SBF2: variants seen among roughly 807,000 people sequenced by gnomAD.
The protein encoded by SBF2 is SET binding factor 2.
SBF2 carries 112 observed loss-of-function variants against 225.2 expected under a neutral mutation model. The ratio of observed to expected loss-of-function variants is 0.50; its 90% CI spans 0.43 to 0.58. The LOEUF is 0.58. Among genes scored for constraint, SBF2 ranks in the 20% least tolerant of loss-of-function variants. SBF2 has a pLI of 0.00. For missense variants in SBF2, 1,996 were observed against 2,206.2 expected (o/e 0.90, Z 1.91); for synonymous variants, 763 against 773.3 (o/e 0.99, Z 0.22).
chr11:9,999,632 G>C (rs771559020), intron 8 of SBF2, among the ~76,000 whole-genome samples: 1 of 152,024 alleles, frequency 6.6e-6, no homozygotes, highest in Non-Finnish European at 1.5e-5. Context: ...TCCAGTGACT[G>C]TTTATATTTA....
intron 31 of SBF2, 193 bp from the exon 32 acceptor site, chr11:9,808,378 C>T: frequency 3.2e-6 from 2 of 619,862 alleles, no homozygotes; most frequent in South Asian, 3.8e-5. Flanking sequence ...AGCTCAAATT[C>T]ATTTTGGCTA....
chr11:9,802,592 C>A (rs372555859), intron 32 of SBF2, among the ~76,000 whole-genome samples: 2 of 152,222 alleles, frequency 1.3e-5, no homozygotes, highest in African/African-American at 4.8e-5. Flanking sequence ...TGTTTCTGGG[C>A]CTAGTTCTGT....
At chr11:10,039,997 T>C (rs762745604) in intron 3 of SBF2, among the ~76,000 whole-genome samples, 2 of 151,814 alleles carry the variant, frequency 1.3e-5, no homozygotes, top group Admixed American at 6.6e-5. Context: ...TTCCTGCTTA[T>C]AGTAAAAGGT....
chr11:9,794,676 CAAA>C lies in SBF2; in HGVS notation c.4570+1152_4570+1154del, dbSNP rs575749593. Among the ~76,000 whole-genome samples, 6 of 35,350 alleles carry C rather than the reference CAAA, an allele frequency of 1.7e-4. No homozygotes were observed. In the Admixed American group the frequency reaches 1.8e-3, roughly 10 times the overall value. The allele number at this position is 35,350 out of a possible 152,430, so 23.2% of individuals were successfully genotyped here. A position where few individuals can be genotyped will look rare whatever the true frequency, so the allele number is the denominator to read the frequency against. The stretch of plus-strand genomic sequence containing the variant: ...TGATACAGTGAGTGGGACTCCGTCT[CAAA>C]AAAAAAAAAAAAAAAAAAAAAAAAA... On this transcript the variant is annotated intron_variant, in intron 33 of 39. Coordinates refer to ENST00000256190, the MANE Select transcript of SBF2 (RefSeq NM_030962.4).
At chr11:10,218,663 C>T (rs139582365) in intron 1 of SBF2, among the ~76,000 whole-genome samples, 1 of 152,152 alleles carries the variant, frequency 6.6e-6, no homozygotes, top group Non-Finnish European at 1.5e-5. Context: ...CCATACCACC[C>T]TGAATGCACC....
At chr11:9,836,378 C>T (rs1590187187) in intron 26 of SBF2, among the ~76,000 whole-genome samples, 1 of 152,136 alleles carries the variant, frequency 6.6e-6, no homozygotes, top group East Asian at 1.9e-4. Flanking sequence ...CTTCTATCCA[C>T]TGCTCTTAAG....
chr11:9,949,104 A>C (rs779446068), intron 16 of SBF2, among the ~76,000 whole-genome samples: 27 of 152,288 alleles, frequency 1.8e-4, no homozygotes, highest in Non-Finnish European at 2.5e-4. Flanking sequence ...AAGAGAAAAG[A>C]AGAAGGAATG....
intron 31 of SBF2, 53 bp from the exon 32 acceptor site, chr11:9,808,238 A>G (rs972719204): frequency 4.7e-6 from 7 of 1,482,868 alleles, no homozygotes; most frequent in African/African-American, 2.8e-5. Flanking sequence ...AAAAAGGCCT[A>G]TTACTAAGAT....
chr11:10,090,765 A>C (rs1001450089), intron 2 of SBF2, among the ~76,000 whole-genome samples: 4 of 84,598 alleles, frequency 4.7e-5, no homozygotes, highest in African/African-American at 1.7e-4. Context: ...ATTCCATCTC[A>C]AAAAAAAAAA....
At chr11:9,855,837 G>A (rs1447908314) in intron 19 of SBF2, among the ~76,000 whole-genome samples, 1 of 152,216 alleles carries the variant, frequency 6.6e-6, no homozygotes, top group Non-Finnish European at 1.5e-5. Context: ...CTGTTTAGGT[G>A]AGAATATTCC....
rs149723224 is a variant in SBF2 at position 10,071,712 on chromosome 11, T to C, written c.142-28731A>G. On this transcript the variant is annotated intron_variant, in intron 2 of 39. Coordinates refer to ENST00000256190, the MANE Select transcript of SBF2 (RefSeq NM_030962.4). The stretch of plus-strand genomic sequence containing the variant: ...TGAGAGTTTTTAGCATGAAGGGCTG[T>C]TGAATTTTGCTGAAGGCCTTTTTTG... Among the ~76,000 whole-genome samples, 1,314 of 152,306 alleles carry C rather than the reference T, an allele frequency of 8.6e-3. 13 individuals are homozygous for C. The highest frequency in any genetic ancestry group is 0.03 in the African/African-American group (1,236 of 41,564).
Position 10,254,900 on chromosome 11 carries a change from CAAAAAAAAAAAAAAAAAAAAAA to C in SBF2, c.55+39093_55+39114del, listed in dbSNP as rs71034757. Among the ~76,000 whole-genome samples the C allele has an allele frequency of 2.5e-3, 112 of 44,080 alleles. No individual in the cohort carries two copies. In the East Asian group the frequency reaches 0.031, roughly 12 times the overall value. The allele number at this position is 44,080 out of a possible 152,430, so 28.9% of individuals were successfully genotyped here. A position where few individuals can be genotyped will look rare whatever the true frequency, so the allele number is the denominator to read the frequency against. The stretch of plus-strand genomic sequence containing the variant: ...TGGGTGACAGAGTGAGACTCTGTCT[CAAAAAAAAAAAAAAAAAAAAAA>C]AAAAAAAAAAAAAAAAATCCTATTA... On this transcript the variant is annotated intron_variant, in intron 1 of 39. Transcript: ENST00000256190.
intron 17 of SBF2, among the ~76,000 whole-genome samples, chr11:9,884,367 G>A (rs974446765): frequency 5.0e-5 from 7 of 141,332 alleles, no homozygotes; most frequent in African/African-American, 1.9e-4. Context: ...TTAAAGATGG[G>A]AGTGGTTTTC....
chr11:9,943,966 G>A (rs1054028226), intron 16 of SBF2, among the ~76,000 whole-genome samples: 1 of 152,090 alleles, frequency 6.6e-6, no homozygotes, highest in East Asian at 1.9e-4. Flanking sequence ...TTACAACACC[G>A]TTTTCATTGC....
chr11:10,092,668 T>C (rs1951830096), intron 2 of SBF2, among the ~76,000 whole-genome samples: 2 of 152,146 alleles, frequency 1.3e-5, no homozygotes, highest in South Asian at 4.1e-4. Context: ...GTAATTTCTA[T>C]TGGTGAAAGG....
chr11:10,222,456 A>C (rs541005620), intron 1 of SBF2, among the ~76,000 whole-genome samples: 1 of 152,356 alleles, frequency 6.6e-6, no homozygotes, highest in African/African-American at 2.4e-5. Flanking sequence ...ACAAAGTAGA[A>C]ATTCTAGATC....
intron 1 of SBF2, among the ~76,000 whole-genome samples, chr11:10,289,867 G>T (rs893165052): frequency 2.0e-5 from 3 of 152,076 alleles, no homozygotes; most frequent in African/African-American, 7.2e-5. Context: ...ACAGGGCCAG[G>T]GTCAGGAGCT....
chr11:9,790,512 C>T (rs371165588), intron 34 of SBF2, 44 bp downstream of exon 34: 4 of 1,526,074 alleles, frequency 2.6e-6, no homozygotes, highest in African/African-American at 2.8e-5. Flanking sequence ...AAAACCTTAA[C>T]ACAAAATTTC....
chr11:9,812,819 A>C, intron 29 of SBF2, 111 bp from the exon 30 acceptor site: 3 of 1,063,570 alleles, frequency 2.8e-6, no homozygotes, highest in Admixed American at 1.9e-5. Context: ...AAATAGCTGC[A>C]GAGGCTGCCA....
Sources: gnomAD v4.1 joint callset for allele counts (sites outside exome capture counted in the v4.1 genomes callset) on GRCh38, gnomAD v4.1.1 for gene constraint, MANE v1.5 for transcripts, NCBI Gene and HGNC (gene_info 2026-07-23, HGNC 2026-07-21) for gene names.